The following UGT1A6 variants were observed in gnomAD, a reference collection of about 807,000 sequenced individuals.
UGT1A6 encodes UDP glucuronosyltransferase family 1 member A6.
Under a neutral mutation model 44.4 loss-of-function variants are expected in UGT1A6, and 32 were observed. The observed-to-expected ratio is 0.72, with a 90% CI of 0.54 to 0.97. The LOEUF (loss-of-function observed/expected upper bound fraction) is 0.97. UGT1A6 is among the 50% of genes least tolerant of loss of function. The pLI is 0.00. For synonymous variants in UGT1A6, 238 were observed against 248.5 expected (o/e 0.96, Z 0.40); for missense variants, 685 against 661.9 (o/e 1.03, Z -0.38).
At chr2:233,721,562 G>T in intron 1 of UGT1A6, 1 of 161,272 alleles carries the variant, frequency 6.2e-6, no homozygotes, top group Non-Finnish European at 1.4e-5. Flanking sequence ...GTTTCTTCTG[G>T]GATATCTTTT....
Position 233,729,591 on chromosome 2 carries a change from C to T in UGT1A6, c.861+35726C>T, listed in dbSNP as rs142676251. Reference sequence around the variant, plus strand: ...ATGTGGTTTTAACAGACCCCGTTAACCTCTGCGCGGCAGTGCTGGCTAAGT... The same window carrying T: ...ATGTGGTTTTAACAGACCCCGTTAATCTCTGCGCGGCAGTGCTGGCTAAGT... On this transcript the variant is annotated intron_variant, in intron 1 of 4. Coordinates refer to ENST00000305139, the MANE Select transcript of UGT1A6 (RefSeq NM_001072.4). 633 of 1,613,962 alleles carry T rather than the reference C, an allele frequency of 3.9e-4. 1 individual carries two copies. Among genetic ancestry groups the T allele is most frequent in the Non-Finnish European group, 5.0e-4 (593 of 1,179,978 alleles).
At chr2:233,743,641 G>A (rs750445210) in intron 1 of UGT1A6, 2 of 1,367,204 alleles carry the variant, frequency 1.5e-6, no homozygotes, top group East Asian at 4.5e-5. Context: ...GGTCGCGGAA[G>A]CTGAAGACGT....
At chr2:233,729,740 T>G (rs1312965874) in intron 1 of UGT1A6, 8 of 1,613,982 alleles carry the variant, frequency 5.0e-6, no homozygotes, top group Non-Finnish European at 6.8e-6. Flanking sequence ...TCAGACCACA[T>G]GACATTCATG....
At chr2:233,694,104 A>G (rs760831319) in intron 1 of UGT1A6, among the ~76,000 whole-genome samples, 1 of 152,150 alleles carries the variant, frequency 6.6e-6, no homozygotes, top group Non-Finnish European at 1.5e-5. Flanking sequence ...GCTTAGTTGG[A>G]TAATCTGGGA....
At chr2:233,720,631 A>G (rs2076876608) in intron 1 of UGT1A6, among the ~76,000 whole-genome samples, 1 of 151,986 alleles carries the variant, frequency 6.6e-6, no homozygotes. Context: ...TCATTGAAAT[A>G]GTACTCTGGG....
intron 1 of UGT1A6, among the ~76,000 whole-genome samples, chr2:233,750,359 T>C (rs1390894315): frequency 6.6e-6 from 1 of 151,860 alleles, no homozygotes; most frequent in Non-Finnish European, 1.5e-5. Context: ...AACTTATGTT[T>C]AAAAGGGAAG....
At chr2:233,725,185 C>G (rs113275054) in intron 1 of UGT1A6, among the ~76,000 whole-genome samples, 730 of 70,066 alleles carry the variant, frequency 0.01, 54 homozygotes, top group African/African-American at 0.042. Context: ...TGGGGAGAGG[C>G]AGAGGCAGAG....
chr2:233,764,538 TG>T (rs1304174428), intron 1 of UGT1A6, among the ~76,000 whole-genome samples: 1 of 152,146 alleles, frequency 6.6e-6, no homozygotes, highest in Non-Finnish European at 1.5e-5. Flanking sequence ...GATTGCTGAG[TG>T]GGCGTGTGGG....
chr2:233,740,602 C>T (rs1333865723), intron 1 of UGT1A6: 1 of 151,786 alleles, frequency 6.6e-6, no homozygotes, highest in Non-Finnish European at 1.5e-5. Context: ...TTACAGGTCT[C>T]CAGGTCTCTT....
intron 1 of UGT1A6, among the ~76,000 whole-genome samples, chr2:233,736,155 C>T (rs1455121257): frequency 4.6e-5 from 7 of 152,206 alleles, no homozygotes; most frequent in Admixed American, 6.5e-5. Context: ...ACCAGTCAAA[C>T]GTAGATTTGG....
chr2:233,707,729 C>T (rs1575486988), intron 1 of UGT1A6, among the ~76,000 whole-genome samples: 1 of 152,064 alleles, frequency 6.6e-6, no homozygotes, highest in South Asian at 2.1e-4. Flanking sequence ...AATGTTACAA[C>T]GAACATTCTT....
intron 3 of UGT1A6, 26 bp downstream of exon 3, chr2:233,767,962 G>A: frequency 5.0e-6 from 8 of 1,614,120 alleles, no homozygotes; most frequent in Non-Finnish European, 5.9e-6. Flanking sequence ...TGGATGTATA[G>A]GTCAAACCAG....
intron 1 of UGT1A6, chr2:233,729,250 C>T (rs749759024): frequency 1.9e-6 from 3 of 1,614,224 alleles, no homozygotes; most frequent in South Asian, 1.1e-5. Flanking sequence ...CAGCCACTGG[C>T]TCAGCATGCG....
In UGT1A6 at chr2:233,755,092, A is replaced by T. The variant is rs549594693; in HGVS notation, c.862-11942A>T. ...TAGCGGTCATAGATATCGCGTTTCT[A>T]CGCGTCCGACAACACCTCGTAGGCC... On this transcript the variant is annotated intron_variant, in intron 1 of 4. Transcript: ENST00000305139. 773 of 1,335,120 alleles carry T rather than the reference A, an allele frequency of 5.8e-4. 7 individuals carry two copies. Among genetic ancestry groups the T allele is most frequent in the Non-Finnish European group, 7.2e-4 (712 of 992,672 alleles). 82.7% of individuals were successfully genotyped at this position (1,335,120 alleles called of 1,614,324 possible).
chr2:233,749,047 T>C (rs561305390), intron 1 of UGT1A6, among the ~76,000 whole-genome samples: 1 of 151,806 alleles, frequency 6.6e-6, no homozygotes, highest in Non-Finnish European at 1.5e-5. Flanking sequence ...TGTGGTACTC[T>C]GGGACCTGAA....
chr2:233,715,554 T>C (rs952173326), intron 1 of UGT1A6, among the ~76,000 whole-genome samples: 2 of 152,138 alleles, frequency 1.3e-5, no homozygotes, highest in African/African-American at 2.4e-5. Context: ...GGAGGATTGC[T>C]TGAGCCCAGG....
rs767620587 is a variant in UGT1A6, at chr2:233,754,884, G to C, written c.862-12150G>C. 5.9e-6 allele frequency: 8 copies of C among 1,350,598 alleles called. No homozygotes were observed. In the Admixed American group the frequency reaches 7.6e-5, roughly 13 times the overall value. The allele number at this position is 1,350,598 out of a possible 1,614,324, so 83.7% of individuals were successfully genotyped here. A position where few individuals can be genotyped will look rare whatever the true frequency, so the allele number is the denominator to read the frequency against. ...AGACCCTCTGCTTCTGCTTCCCAGG[G>C]AGTTCCTCTGACCCCCCAAAATATT... On this transcript the variant is annotated intron_variant, in intron 1 of 4. Coordinates refer to ENST00000305139, the MANE Select transcript of UGT1A6 (RefSeq NM_001072.4).
chr2:233,701,607 C>T (rs918136941), intron 1 of UGT1A6, among the ~76,000 whole-genome samples: 3 of 152,194 alleles, frequency 2.0e-5, no homozygotes, highest in Non-Finnish European at 4.4e-5. Flanking sequence ...AAGCACTCCT[C>T]AGCAAACGTA....
At chr2:233,730,900 A>G (rs1224057230) in intron 1 of UGT1A6, among the ~76,000 whole-genome samples, 1 of 152,130 alleles carries the variant, frequency 6.6e-6, no homozygotes, top group Non-Finnish European at 1.5e-5. Context: ...CTACTCCTTT[A>G]CCAAAAATTT....
Sources: allele counts gnomAD v4.1 joint callset (sites outside exome capture counted in the v4.1 genomes callset), GRCh38; gene constraint gnomAD v4.1.1; transcripts MANE v1.5; gene names NCBI Gene and HGNC (gene_info 2026-07-23, HGNC 2026-07-21).